The following SMO variants were observed in gnomAD, a reference collection of about 807,000 sequenced individuals.
SMO encodes smoothened, frizzled class receptor, also known as protein smoothened.
Under a neutral mutation model 81.6 loss-of-function variants are expected in SMO, and 40 were observed. The ratio of observed to expected loss-of-function variants is 0.49; its 90% CI spans 0.38 to 0.64. The LOEUF (loss-of-function observed/expected upper bound fraction) is 0.64. SMO is among the 30% of genes least tolerant of loss of function. The pLI is 0.00. For synonymous variants in SMO, 434 were observed against 432.1 expected, an observed-to-expected ratio of 1.00 and a Z score of -0.05; for missense variants, 916 against 1,061.1, an observed-to-expected ratio of 0.86 and a Z score of 1.90.
In SMO at chr7:129,208,900, C is replaced by A; in HGVS notation, c.1357+49C>A. On this transcript the variant is annotated intron_variant, in intron 7 of 11. Coordinates refer to ENST00000249373, the MANE Select transcript of SMO (RefSeq NM_005631.5). This position sits in a 1 kb window ranked among gnomAD's most constrained non-coding sequence, Gnocchi z 5.2. ...GTCTGAGGTCCTGGCCAGCCCAACACTGCACCCTCCTGGGGCTATGCGACC... is the reference window on the plus strand; with the variant it reads ...GTCTGAGGTCCTGGCCAGCCCAACAATGCACCCTCCTGGGGCTATGCGACC... The A allele has an allele frequency of 1.6e-6, 2 of 1,266,786 alleles. No individual in the cohort carries two copies. The highest frequency in any genetic ancestry group is 2.9e-5 in the African/African-American group (2 of 68,280). The allele number at this position is 1,266,786 out of a possible 1,614,324, so 78.5% of individuals were successfully genotyped here. A position where few individuals can be genotyped will look rare whatever the true frequency, so the allele number is the denominator to read the frequency against.
chr7:129,189,011 C>CG lies in SMO; in HGVS notation c.-134dup, dbSNP rs1793439088. The CG allele has an allele frequency of 5.5e-5, 37 of 678,700 alleles. No individual in the cohort carries two copies. The highest frequency in any genetic ancestry group is 1.5e-4 in the South Asian group (2 of 13,126). 42.0% of individuals were successfully genotyped at this position (678,700 alleles called of 1,614,324 possible). A position where few individuals can be genotyped will look rare whatever the true frequency, so the allele number is the denominator to read the frequency against. ...GAGGGGCCGGGGCGCGCGGAGCGTC[C>CG]GGGGGGGCCCGGGCCCGGATTCTCT... On this transcript the variant is annotated 5_prime_UTR_variant, in exon 1 of 12. An upstream open reading frame in the 5' UTR loses its in-frame stop. Coordinates refer to ENST00000249373, the MANE Select transcript of SMO (RefSeq NM_005631.5). This position sits in a 1 kb window ranked among gnomAD's most constrained non-coding sequence, Gnocchi z 4.7.
Position 129,212,246 on chromosome 7 carries a change from G to A in SMO, c.2159G>A (p.Gly720Glu), listed in dbSNP as rs1262023810. The A allele has an allele frequency of 5.0e-6, 8 of 1,601,226 alleles. No homozygotes were observed. Among genetic ancestry groups the A allele is most frequent in the Non-Finnish European group, 6.8e-6 (8 of 1,173,988 alleles). The part of the protein sequence containing the change: ...QKCLVAAGAW[G>E]AGDSCRQGAW... ...TGCCTGGTGGCTGCAGGTGCCTGGG[G>A]AGCTGGGGACTCTTGCCGACAGGGA... is the stretch of plus-strand genomic sequence containing the variant. Residue 720 changes from glycine to glutamate, a missense_variant, in exon 12 of 12, where the codon GGA becomes GAA. Physicochemically the swap from Gly to Glu is moderately conservative, Grantham distance 98. Coordinates refer to ENST00000249373, the MANE Select transcript of SMO (RefSeq NM_005631.5). This position sits in a 1 kb window ranked among gnomAD's most constrained non-coding sequence, Gnocchi z 5.0.
At chr7:129,191,727 GT>G (rs1180141328) in intron 1 of SMO, among the ~76,000 whole-genome samples, 3 of 152,166 alleles carry the variant, frequency 2.0e-5, no homozygotes, top group Non-Finnish European at 4.4e-5. Flanking sequence ...GTTTTTGTGG[GT>G]GAAGGATGAA....
Position 129,206,688 on chromosome 7 carries a change from C to G in SMO, c.1264+101C>G, listed in dbSNP as rs1289079045. The G allele has an allele frequency of 7.7e-7, 1 of 1,299,158 alleles. No homozygotes were observed. Among genetic ancestry groups the G allele is most frequent in the Non-Finnish European group, 1.1e-6 (1 of 933,064 alleles). The allele number at this position is 1,299,158 out of a possible 1,614,324, so 80.5% of individuals were successfully genotyped here. ...AGCACGGCTGCCCCCATGCTGAAAC[C>G]CCAGCTAGCTCCTATAGGGCCTTCA... is the stretch of plus-strand genomic sequence containing the variant. On this transcript the variant is annotated intron_variant, in intron 6 of 11. Transcript: ENST00000249373. This position sits in a 1 kb window ranked among gnomAD's most constrained non-coding sequence, Gnocchi z 4.4.
chr7:129,203,038 G>A (rs935670556), intron 1 of SMO, among the ~76,000 whole-genome samples: 2 of 152,206 alleles, frequency 1.3e-5, no homozygotes, highest in African/African-American at 2.4e-5. Context: ...CATGTAACCA[G>A]TACCAGATCA....
chr7:129,204,413 G>A (rs915663219), intron 2 of SMO, among the ~76,000 whole-genome samples: 10 of 152,140 alleles, frequency 6.6e-5, no homozygotes, highest in African/African-American at 1.9e-4. Context: ...AGGCTGAGGC[G>A]GGTGGATCAC....
chr7:129,207,181 C>T (rs13231139), intron 6 of SMO, among the ~76,000 whole-genome samples: 1 of 152,130 alleles, frequency 6.6e-6, no homozygotes, highest in Non-Finnish European at 1.5e-5. Context: ...AGGATCCAGC[C>T]CCAGTCAGCT....
chr7:129,206,041 C>T lies in SMO; in HGVS notation c.921-109C>T, dbSNP rs1793759871. 4.0e-6 allele frequency: 4 copies of T among 990,594 alleles called. No homozygotes were observed. In the African/African-American group the frequency reaches 6.5e-5, roughly 16 times the overall value. The allele number at this position is 990,594 out of a possible 1,614,324, so 61.4% of individuals were successfully genotyped here. On this transcript the variant is annotated intron_variant, in intron 4 of 11. Transcript: ENST00000249373. The surrounding 1 kb of genome is among the most constrained non-coding windows in gnomAD (Gnocchi z 4.4). ...GGGTCCTGTCTCCAAGCCCTGACTT[C>T]TGGGAACCTCCAGACCTCAGCAGCT...
At chr7:129,201,201 C>T (rs1309192844) in intron 1 of SMO, among the ~76,000 whole-genome samples, 1 of 151,170 alleles carries the variant, frequency 6.6e-6, no homozygotes, top group South Asian at 2.1e-4. Flanking sequence ...CATGTGCCAC[C>T]ACATCCAGCT....
At chr7:129,191,787 G>T (rs1386169159) in intron 1 of SMO, among the ~76,000 whole-genome samples, 1 of 152,100 alleles carries the variant, frequency 6.6e-6, no homozygotes, top group African/African-American at 2.4e-5. Flanking sequence ...TAGGAACTGG[G>T]TCTTCACTTT....
Position 129,204,974 on chromosome 7 carries a change from A to G in SMO, c.538-229A>G, listed in dbSNP as rs182708762. Among the ~76,000 whole-genome samples the G allele has an allele frequency of 2.0e-5, 3 of 151,908 alleles. No individual in the cohort carries two copies. The East Asian group carries it at 5.8e-4, about 30-fold the overall frequency. On this transcript the variant is annotated intron_variant, in intron 2 of 11. Transcript: ENST00000249373. ...AGCTGAGATCACGCCACTGCACTCC[A>G]GCCTGGGCGACAGAGCGAGACTGTC... is the stretch of plus-strand genomic sequence containing the variant.
rs2075778 is a variant in SMO at position 129,205,861 on chromosome 7, C to T, written c.920+79C>T. On this transcript the variant is annotated intron_variant, in intron 4 of 11. Transcript: ENST00000249373. Reference sequence around the variant, plus strand: ...GCGTTTACCCCAAAGGGAGCAGGTGCGTGTAAAACCGAGATCCAGGGCAGG... The same window carrying T: ...GCGTTTACCCCAAAGGGAGCAGGTGTGTGTAAAACCGAGATCCAGGGCAGG... 0.82 allele frequency: 1,111,491 copies of T among 1,353,712 alleles called. 457,789 individuals carry two copies. Among genetic ancestry groups the T allele is most frequent in the Middle Eastern group, 0.88 (3,798 of 4,316 alleles). The allele number at this position is 1,353,712 out of a possible 1,614,324, so 83.9% of individuals were successfully genotyped here.
intron 1 of SMO, among the ~76,000 whole-genome samples, chr7:129,190,116 C>T (rs1793460525): frequency 6.6e-6 from 1 of 152,178 alleles, no homozygotes; most frequent in Non-Finnish European, 1.5e-5. Context: ...GAAAAACCGG[C>T]CCTCTGACGC....
Position 129,189,214 on chromosome 7 carries a change from G to GCTGCTT in SMO, c.68_69insTCTGCT (p.Leu22_Leu23dup). The GCTGCTT allele has an allele frequency of 2.6e-6, 3 of 1,166,518 alleles. No individual in the cohort carries two copies. The highest frequency in any genetic ancestry group is 3.2e-6 in the Non-Finnish European group (3 of 930,958). 72.3% of individuals were successfully genotyped at this position (1,166,518 alleles called of 1,614,324 possible). ...CGCTCCTGGGGCTGCTGCTGCTGCT[G>GCTGCTT]CTGCTGGGGGACCCGGGCCGGGGGG... On this transcript the variant is annotated inframe_insertion, in exon 1 of 12. Coordinates refer to ENST00000249373, the MANE Select transcript of SMO (RefSeq NM_005631.5). The surrounding 1 kb of genome is among the most constrained non-coding windows in gnomAD (Gnocchi z 4.7).
At chr7:129,205,998 C>G (rs936176327) in intron 4 of SMO, 152 bp from the exon 5 acceptor site, 3 of 766,788 alleles carry the variant, frequency 3.9e-6, no homozygotes, top group Admixed American at 5.3e-5. Flanking sequence ...GCTCCTAGAG[C>G]CTCCTCAGAT....
chr7:129,208,926 G>C lies in SMO; in HGVS notation c.1357+75G>C, dbSNP rs905584252. The stretch of plus-strand genomic sequence containing the variant: ...TGCACCCTCCTGGGGCTATGCGACC[G>C]GCAGGATGCAGTAAGTCAGTGGGAC... On this transcript the variant is annotated intron_variant, in intron 7 of 11. Coordinates refer to ENST00000249373, the MANE Select transcript of SMO (RefSeq NM_005631.5). This position sits in a 1 kb window ranked among gnomAD's most constrained non-coding sequence, Gnocchi z 5.2. 1.0e-6 allele frequency: 1 copy of C among 1,003,368 alleles called. No individual in the cohort carries two copies. 62.2% of individuals were successfully genotyped at this position (1,003,368 alleles called of 1,614,324 possible). A position where few individuals can be genotyped will look rare whatever the true frequency, so the allele number is the denominator to read the frequency against.
At chr7:129,204,781 G>T (rs1419306246) in intron 2 of SMO, among the ~76,000 whole-genome samples, 1 of 152,144 alleles carries the variant, frequency 6.6e-6, no homozygotes. Flanking sequence ...ACTTTGGGAG[G>T]CCGAGGTGGG....
rs2150656465 is a variant in SMO at position 129,212,101 on chromosome 7, A to C, written c.2014A>C (p.Lys672Gln). The change falls in exon 12 of 12, where the codon AAG (lysine) becomes CAG (glutamine). Residue 672 changes from lysine to glutamine, a missense_variant. Physicochemically the swap from Lys to Gln is moderately conservative, Grantham distance 53. Around this residue, in one of 4 missense-constraint regions of SMO, gnomAD observed 324 missense variants for 312.9 expected, o/e 1.04. Coordinates refer to ENST00000249373, the MANE Select transcript of SMO (RefSeq NM_005631.5). The surrounding 1 kb of genome is among the most constrained non-coding windows in gnomAD (Gnocchi z 5.0). ...AGAGCTGCAGAAGCGCCTGGGCCGG[A>C]AGAAGAAGAGGAGGAAGAGGAAGAA... Reference protein sequence around the residue: ...SPELQKRLGRKKKRRKRKKEV... With the variant: ...SPELQKRLGRQKKRRKRKKEV... 6.3e-7 allele frequency: 1 copy of C among 1,577,784 alleles called. No individual in the cohort carries two copies. Among genetic ancestry groups the C allele is most frequent in the Non-Finnish European group, 8.6e-7 (1 of 1,164,490 alleles).
At position 129,189,743 on chromosome 7, in the gene SMO, G is replaced by A. The variant is rs1489824773; in HGVS notation, c.331+261G>A. Among the ~76,000 whole-genome samples, 2 of 152,178 alleles carry A rather than the reference G, an allele frequency of 1.3e-5. No homozygotes were observed. The highest frequency in any genetic ancestry group is 2.9e-5 in the Non-Finnish European group (2 of 68,018). On this transcript the variant is annotated intron_variant, in intron 1 of 11. Coordinates refer to ENST00000249373, the MANE Select transcript of SMO (RefSeq NM_005631.5). The surrounding 1 kb of genome is among the most constrained non-coding windows in gnomAD (Gnocchi z 4.7). ...TGGGTGAGCAAAGGATGGCGGGGAT[G>A]AGGGGCCCGTGAGGAGGTGGCTCTA... is the stretch of plus-strand genomic sequence containing the variant.
Sources: gnomAD v4.1 joint callset for allele counts (sites outside exome capture counted in the v4.1 genomes callset) on GRCh38, gnomAD v4.1.1 for gene constraint, gnomAD v4.1.1 regional missense constraint, Gnocchi (gnomAD v3.1) non-coding constraint, MANE v1.5 for transcripts, NCBI Gene and HGNC (gene_info 2026-07-23, HGNC 2026-07-21) for gene names.